LRRC63: variants seen among roughly 807,000 people sequenced by gnomAD.
The protein encoded by LRRC63 is leucine-rich repeat-containing protein 63.
LRRC63 carries 40 observed loss-of-function variants against 49.5 expected under a neutral mutation model. The ratio of observed to expected loss-of-function variants is 0.81; its 90% CI spans 0.63 to 1.05. The LOEUF is 1.05. Among genes scored for constraint, LRRC63 ranks in the 50% least tolerant of loss-of-function variants. The pLI, the probability that LRRC63 is intolerant of heterozygous loss-of-function variation, is 0.00. For missense variants in LRRC63, 636 were observed against 663.1 expected, an observed-to-expected ratio of 0.96 and a Z score of 0.45; for synonymous variants, 191 against 221.1, an observed-to-expected ratio of 0.86 and a Z score of 1.21.
rs376352513 is a variant in LRRC63 at position 46,245,269 on chromosome 13, T to C, written c.991-1258T>C. ...CATCATAACTAGAGATTAGACTTAA[T>C]ATATCTTGATCAAGAATTGATATGT... is the stretch of plus-strand genomic sequence containing the variant. On this transcript the variant is annotated intron_variant, in intron 5 of 9. Transcript: ENST00000595396. 3.8e-4 allele frequency among the ~76,000 whole-genome samples: 58 copies of C among 152,304 alleles called. 1 individual carries two copies. The South Asian group carries it at 0.012, about 31-fold the overall frequency.
intron 2 of LRRC63, among the ~76,000 whole-genome samples, chr13:46,214,663 C>G (rs1398036694): frequency 6.7e-6 from 1 of 150,348 alleles, no homozygotes; most frequent in Non-Finnish European, 1.5e-5. Context: ...AAAAAAAAAG[C>G]AGGATACATG....
chr13:46,274,945 C>G lies in LRRC63; in HGVS notation c.1551-1645C>G, dbSNP rs1388095499. Among the ~76,000 whole-genome samples, 3 of 152,212 alleles carry G rather than the reference C, an allele frequency of 2.0e-5. No homozygotes were observed. In the East Asian group the frequency reaches 5.8e-4, roughly 29 times the overall value. On this transcript the variant is annotated intron_variant, in intron 9 of 9. Coordinates refer to ENST00000595396, the Ensembl canonical transcript of LRRC63. Reference sequence around the variant, plus strand: ...TGCTATAGAACACTAAAACTCCTATCTACCTGTGATTTTTTTTCCATTTTT... The same window carrying G: ...TGCTATAGAACACTAAAACTCCTATGTACCTGTGATTTTTTTTCCATTTTT...
At chr13:46,230,289 C>A (rs605811) in intron 4 of LRRC63, among the ~76,000 whole-genome samples, 52,171 of 152,060 alleles carry the variant, frequency 0.34, 9,472 homozygotes, top group African/African-American at 0.44. Flanking sequence ...TGAGACAAGG[C>A]ATGTCCCTTT....
At chr13:46,271,499 C>T (rs1012956402) in intron 9 of LRRC63, among the ~76,000 whole-genome samples, 1 of 152,114 alleles carries the variant, frequency 6.6e-6, no homozygotes, top group African/African-American at 2.4e-5. Context: ...AACTGCAACA[C>T]TGTGACTGCT....
intron 7 of LRRC63, among the ~76,000 whole-genome samples, chr13:46,251,127 C>G (rs1185878625): frequency 6.6e-6 from 1 of 151,758 alleles, no homozygotes; most frequent in African/African-American, 2.4e-5. Context: ...TTGAATCTCT[C>G]AGTACAAAGA....
At chr13:46,214,450 T>G (rs1021289475) in intron 2 of LRRC63, among the ~76,000 whole-genome samples, 5 of 152,166 alleles carry the variant, frequency 3.3e-5, no homozygotes, top group African/African-American at 1.2e-4. Flanking sequence ...GGTTACCAGT[T>G]ATCTTGTAGT....
intron 8 of LRRC63, 64 bp downstream of exon 8, chr13:46,262,056 A>G: frequency 4.0e-6 from 2 of 502,044 alleles, no homozygotes; most frequent in Admixed American, 4.5e-5. Flanking sequence ...TGATTGTGAT[A>G]GAGAAAATCA....
At chr13:46,253,927 T>C (rs1322856994) in intron 7 of LRRC63, among the ~76,000 whole-genome samples, 1 of 152,106 alleles carries the variant, frequency 6.6e-6, no homozygotes, top group Non-Finnish European at 1.5e-5. Flanking sequence ...GAGAGTTTTG[T>C]GCTGGAGATA....
At chr13:46,242,117 T>C (rs2047080416) in intron 5 of LRRC63, among the ~76,000 whole-genome samples, 1 of 152,190 alleles carries the variant, frequency 6.6e-6, no homozygotes, top group South Asian at 2.1e-4. Flanking sequence ...ATATACACCA[T>C]AGAATACTAT....
At chr13:46,263,382 C>T (rs1443576854) in intron 8 of LRRC63, among the ~76,000 whole-genome samples, 1 of 151,868 alleles carries the variant, frequency 6.6e-6, no homozygotes, top group Admixed American at 6.6e-5. Flanking sequence ...CACTATGTTG[C>T]CCAAGCTGGT....
intron 2 of LRRC63, among the ~76,000 whole-genome samples, chr13:46,222,977 G>C (rs9595432): frequency 0.15 from 21,727 of 147,212 alleles, 1,979 homozygotes; most frequent in African/African-American, 0.26. Flanking sequence ...AACCAAACAC[G>C]GCATGTTCTC....
At chr13:46,212,524 T>G (rs960970946) in intron 1 of LRRC63, among the ~76,000 whole-genome samples, 2 of 152,114 alleles carry the variant, frequency 1.3e-5, no homozygotes, top group Non-Finnish European at 2.9e-5. Context: ...AAGAAAACAA[T>G]TTGTTTGTGA....
At chr13:46,233,265 A>G (rs912027825) in intron 4 of LRRC63, among the ~76,000 whole-genome samples, 1 of 152,144 alleles carries the variant, frequency 6.6e-6, no homozygotes. Flanking sequence ...CCACAGACTT[A>G]TGTCTTAATT....
chr13:46,224,452 T>C (rs2046509268), intron 2 of LRRC63, among the ~76,000 whole-genome samples: 2 of 152,196 alleles, frequency 1.3e-5, no homozygotes, highest in Non-Finnish European at 2.9e-5. Context: ...GGTAGATTTC[T>C]CATTCATATC....
intron 6 of LRRC63, among the ~76,000 whole-genome samples, chr13:46,247,264 C>A (rs1260543191): frequency 6.6e-6 from 1 of 152,066 alleles, no homozygotes; most frequent in Non-Finnish European, 1.5e-5. Context: ...CATATATTTT[C>A]CATACTTTCT....
chr13:46,276,734 C>T, exon 10 of LRRC63: 7 of 1,227,536 alleles, frequency 5.7e-6, no homozygotes, highest in Non-Finnish European at 7.1e-6. Flanking sequence ...TAAAGGAAAG[C>T]AGTTTTGTTT....
intron 7 of LRRC63, among the ~76,000 whole-genome samples, chr13:46,253,506 A>G (rs7989172): frequency 0.53 from 80,497 of 151,920 alleles, 24,829 homozygotes; most frequent in African/African-American, 0.85. Flanking sequence ...AAAAAATTGA[A>G]TCACTAAGAA....
rs755214696 is a variant in LRRC63, at chr13:46,228,626, A to G, written c.764-39A>G. 9.8e-5 allele frequency: 121 copies of G among 1,233,220 alleles called. 1 individual carries two copies. In the African/African-American group the frequency reaches 1.5e-3, roughly 15 times the overall value. 76.4% of individuals were successfully genotyped at this position (1,233,220 alleles called of 1,614,324 possible). On this transcript the variant is annotated intron_variant, in intron 3 of 9. Coordinates refer to ENST00000595396, the Ensembl canonical transcript of LRRC63. ...TAAAACCCTCAAGTGAATTTTTACA[A>G]ATATCCAAAGTCATCCCATTTGTTT...
chr13:46,229,327 G>A (rs561269164), intron 4 of LRRC63, among the ~76,000 whole-genome samples: 1 of 152,144 alleles, frequency 6.6e-6, no homozygotes, highest in Non-Finnish European at 1.5e-5. Context: ...AACTATTAAA[G>A]CTGCCAAAAA....
Sources: allele counts gnomAD v4.1 joint callset (sites outside exome capture counted in the v4.1 genomes callset), GRCh38; gene constraint gnomAD v4.1.1; transcripts MANE v1.5; gene names NCBI Gene and HGNC (gene_info 2026-07-23, HGNC 2026-07-21).